GIGYF2: variants seen among roughly 807,000 people sequenced by gnomAD.
The protein encoded by GIGYF2 is GRB10 interacting GYF protein 2.
GIGYF2 carries 25 observed loss-of-function variants against 208.1 expected under a neutral mutation model. The observed-to-expected ratio is 0.12, with a 90% CI of 0.09 to 0.17. The LOEUF (loss-of-function observed/expected upper bound fraction) is 0.17, where lower values mean the gene tolerates loss of function less well. GIGYF2 is among the 10% of genes least tolerant of loss of function. GIGYF2 has a pLI of 1.00. For missense variants in GIGYF2, 1,302 were observed against 1,579.4 expected (o/e 0.82, Z 2.98); for synonymous variants, 534 against 543.8 (o/e 0.98, Z 0.25).
At chr2:232,809,593 G>T in intron 15 of GIGYF2, 127 bp from the exon 16 acceptor site, 3 of 695,008 alleles carry the variant, frequency 4.3e-6, no homozygotes, top group South Asian at 1.5e-5. Flanking sequence ...AAGTGTTTGG[G>T]TAAAAGGGTA....
At chr2:232,856,127 G>T (rs1326558417) in intron 28 of GIGYF2, among the ~76,000 whole-genome samples, 1 of 151,842 alleles carries the variant, frequency 6.6e-6, no homozygotes, top group East Asian at 2.0e-4. Context: ...TAGAGACGAG[G>T]TTTCACTATG....
At chr2:232,835,074 G>A (rs1484883198) in intron 22 of GIGYF2, among the ~76,000 whole-genome samples, 1 of 152,158 alleles carries the variant, frequency 6.6e-6, no homozygotes, top group Non-Finnish European at 1.5e-5. Flanking sequence ...CCACTTATAA[G>A]TGAGAACATG....
intron 6 of GIGYF2, among the ~76,000 whole-genome samples, chr2:232,756,766 C>G (rs1698560472): frequency 6.6e-6 from 1 of 152,202 alleles, no homozygotes; most frequent in African/African-American, 2.4e-5. Context: ...CAAAAACTGC[C>G]TCATCAGGAC....
chr2:232,698,172 C>G (rs1426909324), intron 1 of GIGYF2: 1 of 152,226 alleles, frequency 6.6e-6, no homozygotes, highest in Non-Finnish European at 1.5e-5. Context: ...ATGAAAGAAG[C>G]GGAGCGTATG....
At chr2:232,828,112 C>G (rs970139959) in intron 21 of GIGYF2, among the ~76,000 whole-genome samples, 1 of 152,072 alleles carries the variant, frequency 6.6e-6, no homozygotes, top group Non-Finnish European at 1.5e-5. Flanking sequence ...ACCTCAGTCT[C>G]CTGAGTAGGT....
chr2:232,792,287 G>T (rs283469), intron 12 of GIGYF2, among the ~76,000 whole-genome samples: 51,549 of 150,502 alleles, frequency 0.34, 9,048 homozygotes, highest in South Asian at 0.62. Context: ...TGTCTTCTTC[G>T]TTTCTTAAAC....
chr2:232,836,280 A>ACT (rs368032868), intron 22 of GIGYF2, among the ~76,000 whole-genome samples: 1,042 of 3,932 alleles, frequency 0.27, 85 homozygotes, highest in East Asian at 0.53. Flanking sequence ...ATATATATAT[A>ACT]TATATATATA....
At chr2:232,833,848 A>G (rs140939820) in intron 22 of GIGYF2, among the ~76,000 whole-genome samples, 2 of 152,178 alleles carry the variant, frequency 1.3e-5, no homozygotes, top group East Asian at 3.9e-4. Context: ...GAGGTGATAT[A>G]TACAAAGTGT....
intron 1 of GIGYF2, among the ~76,000 whole-genome samples, chr2:232,698,763 C>T (rs1174155021): frequency 2.0e-5 from 3 of 152,110 alleles, no homozygotes; most frequent in African/African-American, 7.2e-5. Flanking sequence ...ATGTTTCTTT[C>T]GAAATTTAAC....
At chr2:232,793,600 G>A (rs1027384216) in intron 12 of GIGYF2, among the ~76,000 whole-genome samples, 6 of 152,172 alleles carry the variant, frequency 3.9e-5, no homozygotes, top group Non-Finnish European at 5.9e-5. Context: ...TGGAGATGGC[G>A]AGAGAGCAGT....
At chr2:232,836,281 T>TAC (rs1559160219) in intron 22 of GIGYF2, among the ~76,000 whole-genome samples, 1 of 6,650 alleles carries the variant, frequency 1.5e-4, no homozygotes, top group Non-Finnish European at 4.4e-4. Context: ...TATATATATA[T>TAC]ATATATATAT....
intron 22 of GIGYF2, among the ~76,000 whole-genome samples, chr2:232,834,128 C>A (rs774000329): frequency 1.3e-5 from 2 of 152,208 alleles, no homozygotes; most frequent in East Asian, 3.9e-4. Context: ...AAGGGAGGAG[C>A]AGACTTATGG....
At chr2:232,841,561 C>T (rs1393281805) in intron 23 of GIGYF2, among the ~76,000 whole-genome samples, 3 of 151,768 alleles carry the variant, frequency 2.0e-5, no homozygotes, top group African/African-American at 7.3e-5. Flanking sequence ...GTGATCCACC[C>T]GCCTCGGCCT....
chr2:232,839,757 G>A (rs1701760566), intron 22 of GIGYF2, 92 bp from the exon 23 acceptor site: 2 of 1,249,684 alleles, frequency 1.6e-6, no homozygotes, highest in African/African-American at 1.5e-5. Context: ...TGAGAGAAAT[G>A]CATTTGTTCT....
At chr2:232,831,176 G>A (rs1274727121) in intron 21 of GIGYF2, among the ~76,000 whole-genome samples, 1 of 152,126 alleles carries the variant, frequency 6.6e-6, no homozygotes, top group Non-Finnish European at 1.5e-5. Flanking sequence ...TTTCTCCACC[G>A]TAAGTTACCT....
At chr2:232,739,040 A>G (rs1467136307) in intron 3 of GIGYF2, among the ~76,000 whole-genome samples, 1 of 152,060 alleles carries the variant, frequency 6.6e-6, no homozygotes, top group African/African-American at 2.4e-5. Context: ...AATCTGGAGG[A>G]AACAGTACAA....
At chr2:232,826,410 A>G (rs1451826232) in intron 21 of GIGYF2, among the ~76,000 whole-genome samples, 1 of 152,158 alleles carries the variant, frequency 6.6e-6, no homozygotes, top group African/African-American at 2.4e-5. Context: ...TTGGCGTGAG[A>G]TGGTATCTCA....
At chr2:232,726,736 A>G (rs1436308457) in intron 2 of GIGYF2, among the ~76,000 whole-genome samples, 3 of 152,194 alleles carry the variant, frequency 2.0e-5, no homozygotes. Flanking sequence ...AACTCAGTGG[A>G]AGATAGATCT....
At chr2:232,697,656 G>A (rs1317541371) in intron 1 of GIGYF2, among the ~76,000 whole-genome samples, 1 of 152,264 alleles carries the variant, frequency 6.6e-6, no homozygotes, top group African/African-American at 2.4e-5. Flanking sequence ...GCCGCGAGGA[G>A]CCGAGAAGCC....
Sources: gnomAD v4.1 joint callset for allele counts (sites outside exome capture counted in the v4.1 genomes callset) on GRCh38, gnomAD v4.1.1 for gene constraint, MANE v1.5 for transcripts, NCBI Gene and HGNC (gene_info 2026-07-23, HGNC 2026-07-21) for gene names.